The following LARGE1 variants were observed in gnomAD, a reference collection of about 807,000 sequenced individuals.
The protein encoded by LARGE1 is LARGE xylosyl- and glucuronyltransferase 1, also known as xylosyl- and glucuronyltransferase LARGE1.
A neutral mutation model predicts 87.6 loss-of-function variants in LARGE1; 43 were observed. That is an observed-to-expected ratio of 0.49 (90% CI 0.38 to 0.63). The LOEUF is 0.63. Ranked by LOEUF, LARGE1 falls within the 30% of genes least tolerant of loss-of-function variation. LARGE1 has a pLI of 0.00. For missense variants in LARGE1, 802 were observed against 1,000.2 expected (o/e 0.80, Z 2.67); for synonymous variants, 434 against 394.6 (o/e 1.10, Z -1.18).
intron 1 of LARGE1, among the ~76,000 whole-genome samples, chr22:33,867,129 T>C (rs1046787938): frequency 6.6e-6 from 1 of 152,132 alleles, no homozygotes; most frequent in African/African-American, 2.4e-5. Flanking sequence ...GCACAAGCAA[T>C]GAACTGGGCT....
intron 6 of LARGE1, among the ~76,000 whole-genome samples, chr22:33,506,491 T>C (rs934449048): frequency 1.3e-5 from 2 of 152,150 alleles, no homozygotes; most frequent in Admixed American, 6.5e-5. Context: ...GAAAGGGGCA[T>C]GGAGCCAGAT....
At chr22:33,756,445 G>T (rs1258525784) in intron 2 of LARGE1, among the ~76,000 whole-genome samples, 1 of 152,166 alleles carries the variant, frequency 6.6e-6, no homozygotes, top group Non-Finnish European at 1.5e-5. Context: ...GGTAAATAGG[G>T]AGCCAAGGAA....
intron 10 of LARGE1, among the ~76,000 whole-genome samples, chr22:33,328,431 T>A (rs1213715484): frequency 6.6e-6 from 1 of 151,898 alleles, no homozygotes; most frequent in African/African-American, 2.4e-5. Context: ...AATACAAAAA[T>A]TAGCCTGGCA....
chr22:33,726,915 G>C (rs962211755), intron 2 of LARGE1, among the ~76,000 whole-genome samples: 2 of 152,156 alleles, frequency 1.3e-5, no homozygotes, highest in Non-Finnish European at 2.9e-5. Flanking sequence ...CATCTTAATA[G>C]AAATCATTAC....
At chr22:33,172,080 G>A (rs1354969849) in intron 11 of LARGE1, among the ~76,000 whole-genome samples, 1 of 152,254 alleles carries the variant, frequency 6.6e-6, no homozygotes, top group Admixed American at 6.5e-5. Context: ...AATCAAAGGA[G>A]ATTGTATTGA....
chr22:33,563,977 TGA>T (rs2077944398), intron 6 of LARGE1, among the ~76,000 whole-genome samples: 1 of 152,192 alleles, frequency 6.6e-6, no homozygotes, highest in Admixed American at 6.5e-5. Flanking sequence ...CTGTGATTTA[TGA>T]AAATGCTGGG....
intron 6 of LARGE1, among the ~76,000 whole-genome samples, chr22:33,459,363 C>T (rs1011476141): frequency 2.0e-5 from 3 of 151,572 alleles, no homozygotes; most frequent in African/African-American, 7.3e-5. Context: ...CAATGTGGAT[C>T]GAGGAGCATG....
chr22:33,921,390 G>A (rs1192214734), upstream of LARGE1, among the ~76,000 whole-genome samples: 2 of 152,254 alleles, frequency 1.3e-5, no homozygotes, highest in African/African-American at 2.4e-5. This position sits in a 1 kb window ranked among gnomAD's most constrained non-coding sequence, Gnocchi z 4.1. Flanking sequence ...AGGGAAGCGG[G>A]ACGGGCCCGC....
At chr22:33,905,332 G>C (rs992655761) in intron 1 of LARGE1, among the ~76,000 whole-genome samples, 1 of 152,046 alleles carries the variant, frequency 6.6e-6, no homozygotes, top group African/African-American at 2.4e-5. Context: ...GCCTCTCAGT[G>C]TGCTGAGATA....
chr22:33,292,636 T>TG (rs1420093714), intron 12 of LARGE1, among the ~76,000 whole-genome samples: 2 of 152,186 alleles, frequency 1.3e-5, no homozygotes, highest in Non-Finnish European at 2.9e-5. Context: ...ATTCCAGCTG[T>TG]GTGCCTGACA....
chr22:33,363,463 A>T (rs1420434087), intron 9 of LARGE1, among the ~76,000 whole-genome samples: 1 of 149,390 alleles, frequency 6.7e-6, no homozygotes, highest in African/African-American at 2.5e-5. Flanking sequence ...CATGAGACTT[A>T]TTCACTGCCA....
At chr22:33,682,110 C>T (rs2149306105) in intron 2 of LARGE1, among the ~76,000 whole-genome samples, 1 of 152,354 alleles carries the variant, frequency 6.6e-6, no homozygotes, top group Middle Eastern at 3.4e-3. Flanking sequence ...ACCATATTAA[C>T]ACAGCATCAC....
At chr22:33,536,913 G>C (rs1294054277) in intron 6 of LARGE1, among the ~76,000 whole-genome samples, 1 of 152,242 alleles carries the variant, frequency 6.6e-6, no homozygotes, top group African/African-American at 2.4e-5. Context: ...CCGGGTTCAA[G>C]CGATTTTCCT....
chr22:33,502,573 C>T (rs181678107), intron 6 of LARGE1, among the ~76,000 whole-genome samples: 236 of 150,066 alleles, frequency 1.6e-3, no homozygotes, highest in Non-Finnish European at 2.8e-3. Context: ...TATCCTGCCA[C>T]GTGCTTTTTT....
chr22:33,181,116 G>A (rs1167269796), intron 11 of LARGE1, among the ~76,000 whole-genome samples: 1 of 152,134 alleles, frequency 6.6e-6, no homozygotes, highest in African/African-American at 2.4e-5. Flanking sequence ...AGTCTATTCT[G>A]ATGTAAATAC....
intron 1 of LARGE1, among the ~76,000 whole-genome samples, chr22:33,900,721 A>G (rs2065259889): frequency 6.6e-6 from 1 of 152,182 alleles, no homozygotes; most frequent in Non-Finnish European, 1.5e-5. Flanking sequence ...CATTAGGTGG[A>G]ACTTAATCCA....
At chr22:33,528,347 C>T (rs972647177) in intron 6 of LARGE1, among the ~76,000 whole-genome samples, 1 of 152,066 alleles carries the variant, frequency 6.6e-6, no homozygotes, top group African/African-American at 2.4e-5. Context: ...AAAAAGGAAA[C>T]AGAAATTTAT....
chr22:33,332,280 T>G (rs1046948014), intron 10 of LARGE1, among the ~76,000 whole-genome samples: 11 of 152,136 alleles, frequency 7.2e-5, no homozygotes, highest in African/African-American at 2.7e-4. Flanking sequence ...TCTCATGAGA[T>G]CTGATGGTTT....
chr22:33,819,267 C>A (rs1312590556), intron 1 of LARGE1, among the ~76,000 whole-genome samples: 1 of 86,624 alleles, frequency 1.2e-5, no homozygotes, highest in Non-Finnish European at 2.5e-5. Context: ...TGTGTGAGTA[C>A]AAAGCTCTTC....
Sources: gnomAD v4.1 joint callset for allele counts (sites outside exome capture counted in the v4.1 genomes callset) on GRCh38, gnomAD v4.1.1 for gene constraint, Gnocchi (gnomAD v3.1) non-coding constraint, MANE v1.5 for transcripts, NCBI Gene and HGNC (gene_info 2026-07-23, HGNC 2026-07-21) for gene names.